The following ARHGAP21 variants were observed in gnomAD, a reference collection of about 807,000 sequenced individuals.
The protein encoded by ARHGAP21 is Rho GTPase activating protein 21.
In ARHGAP21, 38 loss-of-function variants were observed where a neutral mutation model predicts 164.6. The observed-to-expected ratio is 0.23, with a 90% CI of 0.18 to 0.30. ARHGAP21 has a LOEUF of 0.30. ARHGAP21 is among the 10% of genes least tolerant of loss of function. The pLI is 1.00. For missense variants in ARHGAP21, 1,822 were observed against 2,370.7 expected (o/e 0.77, Z 4.81); for synonymous variants, 766 against 857.9 (o/e 0.89, Z 1.87).
At chr10:24,700,630 AAAG>A (rs1245083836) in intron 2 of ARHGAP21, among the ~76,000 whole-genome samples, 1 of 152,208 alleles carries the variant, frequency 6.6e-6, no homozygotes, top group Non-Finnish European at 1.5e-5. Context: ...TGGTTGCAAA[AAAG>A]AAGTACCATT....
chr10:24,628,822 C>T (rs1193361338), intron 7 of ARHGAP21, among the ~76,000 whole-genome samples: 9 of 118,388 alleles, frequency 7.6e-5, no homozygotes, highest in South Asian at 2.5e-4. Flanking sequence ...TATACATATA[C>T]ACACATATAT....
At chr10:24,604,022 G>A (rs2076921817) in intron 12 of ARHGAP21, among the ~76,000 whole-genome samples, 1 of 150,722 alleles carries the variant, frequency 6.6e-6, no homozygotes. Context: ...AAGTATGAGG[G>A]GAGGGAGAAG....
intron 2 of ARHGAP21, among the ~76,000 whole-genome samples, chr10:24,697,895 C>T (rs906651600): frequency 2.6e-5 from 4 of 151,864 alleles, no homozygotes; most frequent in Admixed American, 6.6e-5. Context: ...TAAAAAAACC[C>T]GATGAGCTGA....
chr10:24,595,656 A>G, intron 19 of ARHGAP21, 61 bp downstream of exon 19: 1 of 1,509,082 alleles, frequency 6.6e-7, no homozygotes, highest in South Asian at 1.2e-5. Context: ...TTAATATTCT[A>G]TGGTTTTCCA....
At chr10:24,641,713 T>C (rs1011978531) in intron 4 of ARHGAP21, among the ~76,000 whole-genome samples, 1 of 152,166 alleles carries the variant, frequency 6.6e-6, no homozygotes, top group Non-Finnish European at 1.5e-5. Flanking sequence ...AAGGTTTTAC[T>C]GGCCAGGCAT....
intron 2 of ARHGAP21, among the ~76,000 whole-genome samples, chr10:24,703,254 AAAATT>A (rs1292991097): frequency 5.3e-5 from 8 of 152,334 alleles, no homozygotes; most frequent in Admixed American, 3.3e-4. Flanking sequence ...TGTAATTTTT[AAAATT>A]AAATTAATGG....
Position 24,717,772 on chromosome 10 carries a change from TCAGCTGGAGTA to T in ARHGAP21, c.63+4054_63+4064del, listed in dbSNP as rs369003947. ...TGTCTTATAGGAGGTAATGTAACGA[TCAGCTGGAGTA>T]CAGTGGCGCGATTTTGGCTACCTGC... On this transcript the variant is annotated intron_variant, in intron 2 of 25. Transcript: ENST00000396432. Among the ~76,000 whole-genome samples the T allele has an allele frequency of 2.8e-3, 426 of 152,226 alleles. 4 individuals carry two copies. Among genetic ancestry groups the T allele is most frequent in the African/African-American group, 9.8e-3 (409 of 41,554 alleles).
At chr10:24,626,231 C>A (rs1462803726) in intron 7 of ARHGAP21, among the ~76,000 whole-genome samples, 1 of 152,120 alleles carries the variant, frequency 6.6e-6, no homozygotes, top group Admixed American at 6.6e-5. Flanking sequence ...AAGAAGTATG[C>A]CCCGATCTAG....
intron 7 of ARHGAP21, among the ~76,000 whole-genome samples, chr10:24,625,956 G>A (rs966937444): frequency 2.0e-5 from 3 of 152,170 alleles, no homozygotes; most frequent in Non-Finnish European, 4.4e-5. Context: ...CAGCAGTATA[G>A]GACTGTGGTT....
intron 7 of ARHGAP21, chr10:24,628,951 A>T (rs1394155821): frequency 6.8e-5 from 3 of 44,316 alleles, no homozygotes; most frequent in South Asian, 9.5e-4. Flanking sequence ...ACACACACAC[A>T]CTATATATAT....
chr10:24,707,057 C>T lies in ARHGAP21; in HGVS notation c.63+14780G>A, dbSNP rs1033452290. On this transcript the variant is annotated intron_variant, in intron 2 of 25. Coordinates refer to ENST00000396432, the MANE Select transcript of ARHGAP21 (RefSeq NM_020824.4). ...AAAGGGTACTCCGTCCTTTCTTAAC[C>T]TCTCAGTAGCGCCACACAGAGCTAA... Among the ~76,000 whole-genome samples the T allele has an allele frequency of 3.9e-5, 6 of 152,302 alleles. No homozygotes were observed. The South Asian group carries it at 1.2e-3, about 32-fold the overall frequency.
intron 2 of ARHGAP21, among the ~76,000 whole-genome samples, chr10:24,715,995 C>A (rs999414627): frequency 6.6e-6 from 1 of 152,190 alleles, no homozygotes; most frequent in Non-Finnish European, 1.5e-5. Context: ...CGTGACAATG[C>A]AAGGCTCTGT....
At position 24,586,053 on chromosome 10, in the gene ARHGAP21, G is replaced by T. The variant is rs1329025072; in HGVS notation, c.4236C>A (p.Ser1412=). Residue 1412 remains serine, a synonymous_variant, in exon 26 of 26, where the codon TCC becomes TCA. Coordinates refer to ENST00000396432, the MANE Select transcript of ARHGAP21 (RefSeq NM_020824.4). ...TCTTGCGACTAGCAGCTGCAAAGATGGAGGACACAAGCAGTTCCCTGCTAT... is the reference window on the plus strand; with the variant it reads ...TCTTGCGACTAGCAGCTGCAAAGATTGAGGACACAAGCAGTTCCCTGCTAT... ...DQYSRELLVS[S]IFAAASRKRK... The T allele has an allele frequency of 2.5e-6, 4 of 1,613,778 alleles. No individual in the cohort carries two copies. Among genetic ancestry groups the T allele is most frequent in the Non-Finnish European group, 3.4e-6 (4 of 1,179,972 alleles).
chr10:24,616,605 A>T (rs1381951619), intron 9 of ARHGAP21, among the ~76,000 whole-genome samples: 1 of 152,244 alleles, frequency 6.6e-6, no homozygotes, highest in Non-Finnish European at 1.5e-5. Flanking sequence ...AAGATGGAGG[A>T]GGAGTCTTAA....
chr10:24,671,113 C>T (rs551013574), intron 2 of ARHGAP21, among the ~76,000 whole-genome samples: 2 of 152,232 alleles, frequency 1.3e-5, no homozygotes, highest in Admixed American at 6.5e-5. Context: ...TCCCTCATCA[C>T]CCCATGTTCT....
rs9664987 is a variant in ARHGAP21, at chr10:24,654,609, G to A, written c.268+12376C>T. 6.0e-3 allele frequency among the ~76,000 whole-genome samples: 911 copies of A among 152,248 alleles called. 11 individuals carry two copies. Among genetic ancestry groups the A allele is most frequent in the African/African-American group, 0.021 (876 of 41,550 alleles). ...GGAGAACTACAAACCACTGCTCAAC[G>A]AAATAAAAGAGGACACAAACAAATG... On this transcript the variant is annotated intron_variant, in intron 4 of 25. Transcript: ENST00000396432.
At position 24,601,863 on chromosome 10, in the gene ARHGAP21, T is replaced by C. The variant is rs567652819; in HGVS notation, c.2847+115A>G. The C allele has an allele frequency of 3.2e-4, 353 of 1,086,392 alleles. 2 individuals are homozygous for C. The highest frequency in any genetic ancestry group is 3.2e-3 in the African/African-American group (192 of 60,326). 67.3% of individuals were successfully genotyped at this position (1,086,392 alleles called of 1,614,324 possible). A position where few individuals can be genotyped will look rare whatever the true frequency, so the allele number is the denominator to read the frequency against. ...TGTAGAAAAATCTATTTATAAATGG[T>C]TTTTTTTTTCACTCTTTAATCTGGA... On this transcript the variant is annotated intron_variant, in intron 13 of 25. Coordinates refer to ENST00000396432, the MANE Select transcript of ARHGAP21 (RefSeq NM_020824.4).
chr10:24,697,839 G>A lies in ARHGAP21; in HGVS notation c.63+23998C>T, dbSNP rs141671373. Among the ~76,000 whole-genome samples, 231 of 151,578 alleles carry A rather than the reference G, an allele frequency of 1.5e-3. 5 individuals carry two copies. In the East Asian group the frequency reaches 0.037, roughly 24 times the overall value. On this transcript the variant is annotated intron_variant, in intron 2 of 25. Coordinates refer to ENST00000396432, the MANE Select transcript of ARHGAP21 (RefSeq NM_020824.4). ...CGCACCACTGCACTCCAGCCTGGGC[G>A]ACAAGAGCGAAACTCCATCTCAAAA...
At chr10:24,594,848 G>A in intron 21 of ARHGAP21, 102 bp downstream of exon 21, 1 of 948,778 alleles carries the variant, frequency 1.1e-6, no homozygotes, top group South Asian at 2.4e-5. Flanking sequence ...GTTTGATGTT[G>A]AATTACAAAC....
Sources: allele counts gnomAD v4.1 joint callset (sites outside exome capture counted in the v4.1 genomes callset), GRCh38; gene constraint gnomAD v4.1.1; transcripts MANE v1.5; gene names NCBI Gene and HGNC (gene_info 2026-07-23, HGNC 2026-07-21).